Variants in DOCK10 observed in about 807,000 individuals in gnomAD.
DOCK10 encodes dedicator of cytokinesis protein 10.
Under a neutral mutation model 280.1 loss-of-function variants are expected in DOCK10, and 145 were observed. That is an observed-to-expected ratio of 0.52 (90% CI 0.45 to 0.59). The LOEUF (loss-of-function observed/expected upper bound fraction) is 0.59. DOCK10 is among the 20% of genes least tolerant of loss of function. The probability of loss-of-function intolerance (pLI) is 0.00; values close to 1 mark genes in which losing one functional copy is unlikely to be tolerated. For missense variants in DOCK10, 2,368 were observed against 2,651.7 expected, an observed-to-expected ratio of 0.89 and a Z score of 2.35; for synonymous variants, 915 against 942.2, an observed-to-expected ratio of 0.97 and a Z score of 0.53.
Position 224,834,237 on chromosome 2 carries a change from C to T in DOCK10, c.2877G>A (p.Lys959=), listed in dbSNP as rs1448315900. The T allele has an allele frequency of 6.2e-7, 1 of 1,611,202 alleles. No homozygotes were observed. Among genetic ancestry groups the T allele is most frequent in the African/African-American group, 1.3e-5 (1 of 74,836 alleles). ...IKFVFKTRAC[K]ERTVHEELAK... ...CCAGTTCCTCATGTACAGTCCTCTC[C>T]TTGCATGCCCTGGTCTTGAACACGA... Residue 959 remains lysine, a synonymous_variant, in exon 26 of 56, where the codon AAG becomes AAA. Coordinates refer to ENST00000258390, the MANE Select transcript of DOCK10 (RefSeq NM_014689.3).
rs142296562 is a variant in DOCK10 at position 224,834,304 on chromosome 2, A to C, written c.2851-41T>G. 8 of 1,152,220 alleles carry C rather than the reference A, an allele frequency of 6.9e-6. No homozygotes were observed. The African/African-American group carries it at 1.2e-4, about 18-fold the overall frequency. The allele number at this position is 1,152,220 out of a possible 1,614,324, so 71.4% of individuals were successfully genotyped here. ...AAAGTGAATAAAGTTAAATACTTTG[A>C]AAAATGAAGCTTCAAAAACTATGTC... On this transcript the variant is annotated intron_variant, in intron 25 of 55. Coordinates refer to ENST00000258390, the MANE Select transcript of DOCK10 (RefSeq NM_014689.3).
intron 1 of DOCK10, among the ~76,000 whole-genome samples, chr2:225,006,038 G>A (rs1051538508): frequency 3.3e-5 from 5 of 152,122 alleles, no homozygotes; most frequent in Admixed American, 2.6e-4. Flanking sequence ...GAGTGAAGAT[G>A]GGTATTAATA....
At chr2:224,956,521 G>A (rs890142346) in intron 1 of DOCK10, among the ~76,000 whole-genome samples, 5 of 151,408 alleles carry the variant, frequency 3.3e-5, no homozygotes, top group African/African-American at 1.2e-4. Context: ...GTACTCAGGA[G>A]CCTGAGGCAG....
In DOCK10 at chr2:224,774,999, G is replaced by A. The variant is rs757584142; in HGVS notation, c.5919C>T (p.Asn1973=). The change falls in exon 52 of 56, where the codon AAC becomes AAT. Residue 1973 remains asparagine (N), a synonymous_variant. Transcript: ENST00000258390. ...DRKTDFEMHH[N]INRFVFETPF... is the part of the protein sequence containing the mutation. ...GTGTCTCGAAGACAAAGCGGTTGAT[G>A]TTGTGGTGCATTTCGAAATCTGTCT... is the stretch of plus-strand genomic sequence containing the variant. 2.5e-6 allele frequency: 4 copies of A among 1,613,656 alleles called. No homozygotes were observed. Among genetic ancestry groups the A allele is most frequent in the East Asian group, 2.2e-5 (1 of 44,870 alleles).
At chr2:224,879,575 T>A (rs1698852023) in intron 7 of DOCK10, among the ~76,000 whole-genome samples, 1 of 152,026 alleles carries the variant, frequency 6.6e-6, no homozygotes, top group African/African-American at 2.4e-5. Context: ...CTGGACAACA[T>A]GGTGAAACCC....
At chr2:224,967,546 G>T (rs1287372173) in intron 1 of DOCK10, among the ~76,000 whole-genome samples, 1 of 152,068 alleles carries the variant, frequency 6.6e-6, no homozygotes, top group Non-Finnish European at 1.5e-5. Context: ...ACTTTACTTG[G>T]TGACTATGAC....
At chr2:224,996,544 A>G (rs1706277014) in intron 1 of DOCK10, among the ~76,000 whole-genome samples, 1 of 152,212 alleles carries the variant, frequency 6.6e-6, no homozygotes, top group African/African-American at 2.4e-5. Flanking sequence ...TGCTATTAAT[A>G]ATTATGCAAA....
intron 1 of DOCK10, among the ~76,000 whole-genome samples, chr2:224,948,643 C>T (rs1703560678): frequency 6.6e-6 from 1 of 152,118 alleles, no homozygotes; most frequent in East Asian, 1.9e-4. Context: ...ATTTTATAAT[C>T]CTTTTTAGAT....
chr2:225,029,677 A>G (rs746462592), intron 1 of DOCK10, among the ~76,000 whole-genome samples: 2 of 152,234 alleles, frequency 1.3e-5, no homozygotes, highest in Non-Finnish European at 2.9e-5. Flanking sequence ...AATATTCAAC[A>G]TTAGCTCAAA....
chr2:224,796,208 C>A, intron 44 of DOCK10, 108 bp downstream of exon 44: 2 of 735,018 alleles, frequency 2.7e-6, no homozygotes, highest in Non-Finnish European at 2.3e-6. Context: ...GGAATACAGG[C>A]GTGAACCACT....
At chr2:224,924,167 AT>A (rs1459831911) in intron 2 of DOCK10, among the ~76,000 whole-genome samples, 9 of 152,218 alleles carry the variant, frequency 5.9e-5, no homozygotes, top group African/African-American at 2.2e-4. Context: ...ATCCTAACAC[AT>A]AGAATGGCTT....
Position 224,852,365 on chromosome 2 carries a change from G to A in DOCK10, c.2142+12C>T, listed in dbSNP as rs1392140431. 6.4e-7 allele frequency: 1 copy of A among 1,564,594 alleles called. No homozygotes were observed. The highest frequency in any genetic ancestry group is 8.7e-7 in the Non-Finnish European group (1 of 1,153,076). On this transcript the variant is annotated intron_variant, in intron 18 of 55. Transcript: ENST00000258390. ...CCACTTTATGCTGGGTCCCTTTGCT[G>A]ACTTGGCTCACCTTCAGGGGCTTGG...
At chr2:224,788,675 A>G (rs1235503309) in intron 48 of DOCK10, among the ~76,000 whole-genome samples, 1 of 152,196 alleles carries the variant, frequency 6.6e-6, no homozygotes, top group East Asian at 1.9e-4. Context: ...GTTATTTTCC[A>G]TAACAGAAGG....
chr2:224,766,257 AAAT>A (rs1367090364), intron 55 of DOCK10, among the ~76,000 whole-genome samples: 4 of 152,362 alleles, frequency 2.6e-5, no homozygotes, highest in African/African-American at 7.2e-5. Flanking sequence ...TTAATCTTGA[AAAT>A]AATGTTAGTG....
chr2:224,979,633 T>C (rs1465750308), intron 1 of DOCK10, among the ~76,000 whole-genome samples: 1 of 152,270 alleles, frequency 6.6e-6, no homozygotes, highest in Non-Finnish European at 1.5e-5. Flanking sequence ...CGGGTCCTTC[T>C]GCATAAGGCA....
intron 3 of DOCK10, among the ~76,000 whole-genome samples, chr2:224,913,542 A>G (rs1701148487): frequency 6.6e-6 from 1 of 152,206 alleles, no homozygotes; most frequent in Non-Finnish European, 1.5e-5. Context: ...ATAATGAGTT[A>G]CAAATGATTT....
rs186175909 is a variant in DOCK10 at position 224,990,853 on chromosome 2, C to T, written c.123+51399G>A. On this transcript the variant is annotated intron_variant, in intron 1 of 55. Coordinates refer to ENST00000258390, the MANE Select transcript of DOCK10 (RefSeq NM_014689.3). Reference sequence around the variant, plus strand: ...TTTGCAACATCAACTATTCTGATCACAGTCAATTCCTGAAAAGGGACAGAA... The same window carrying T: ...TTTGCAACATCAACTATTCTGATCATAGTCAATTCCTGAAAAGGGACAGAA... Among the ~76,000 whole-genome samples the T allele has an allele frequency of 4.2e-3, 636 of 152,326 alleles. 1 individual carries two copies. Among genetic ancestry groups the T allele is most frequent in the Middle Eastern group, 0.01 (3 of 294 alleles).
At chr2:225,038,876 A>G (rs1160109605) in intron 1 of DOCK10, among the ~76,000 whole-genome samples, 2 of 152,122 alleles carry the variant, frequency 1.3e-5, no homozygotes, top group African/African-American at 2.4e-5. Context: ...GAAGCCTTCC[A>G]TTGCACTAAC....
chr2:225,027,295 T>G (rs1689945037), intron 1 of DOCK10, among the ~76,000 whole-genome samples: 1 of 152,178 alleles, frequency 6.6e-6, no homozygotes, highest in Admixed American at 6.5e-5. Context: ...TCTGAGATGT[T>G]CACGCCCAGG....
Sources: allele counts gnomAD v4.1 joint callset (sites outside exome capture counted in the v4.1 genomes callset), GRCh38; gene constraint gnomAD v4.1.1; transcripts MANE v1.5; gene names NCBI Gene and HGNC (gene_info 2026-07-23, HGNC 2026-07-21).